NEK1: variants seen among roughly 807,000 people sequenced by gnomAD.
The protein encoded by NEK1 is serine/threonine-protein kinase Nek1.
NEK1 carries 137 observed loss-of-function variants against 182.1 expected under a neutral mutation model. The observed-to-expected ratio is 0.75, with a 90% CI of 0.65 to 0.87. NEK1 has a LOEUF of 0.87. NEK1 is among the 40% of genes least tolerant of loss of function. The pLI, the probability that NEK1 is intolerant of heterozygous loss-of-function variation, is 0.00. For missense variants in NEK1, 1,391 were observed against 1,494.4 expected, an observed-to-expected ratio of 0.93 and a Z score of 1.14; for synonymous variants, 513 against 492.2, an observed-to-expected ratio of 1.04 and a Z score of -0.56.
At chr4:169,470,710 T>C (rs1745795732) in intron 26 of NEK1, among the ~76,000 whole-genome samples, 1 of 152,234 alleles carries the variant, frequency 6.6e-6, no homozygotes, top group Non-Finnish European at 1.5e-5. Flanking sequence ...CCTTCAAGTG[T>C]GTTTTCCAAC....
At chr4:169,447,115 T>C (rs1740719157) in intron 27 of NEK1, among the ~76,000 whole-genome samples, 1 of 152,070 alleles carries the variant, frequency 6.6e-6, no homozygotes, top group Non-Finnish European at 1.5e-5. Flanking sequence ...GCAGATGTAA[T>C]CCAAGGAAGA....
At position 169,590,737 on chromosome 4, in the gene NEK1, T is replaced by C. The variant is rs1365793589; in HGVS notation, c.385A>G (p.Ile129Val). 16 of 1,589,130 alleles carry C rather than the reference T, an allele frequency of 1.0e-5. No homozygotes were observed. The highest frequency in any genetic ancestry group is 1.4e-5 in the Non-Finnish European group (16 of 1,165,384). The change falls in exon 6 of 36, where the codon ATT becomes GTT. Residue 129 changes from isoleucine (I) to valine (V), a missense_variant. Physicochemically the swap from Ile to Val is conservative, Grantham distance 29. Coordinates refer to ENST00000507142, the MANE Select transcript of NEK1 (RefSeq NM_001199397.3). ...ACAGAATAACATACCTGAGATTTAA[T>C]GTCTCGATGAAGAATTTTTCTATCA... ...VHDRKILHRD[I>V]KSQNIFLTKD...
chr4:169,411,957 G>A lies in NEK1; in HGVS notation c.3223-5210C>T, dbSNP rs370152783. ...GGCTCCAGATAAGGAGGAGAAATGG[G>A]GCTCATGTACACAAACTTTCTTCAC... On this transcript the variant is annotated intron_variant, in intron 31 of 35. Transcript: ENST00000507142. Among the ~76,000 whole-genome samples, 18 of 152,100 alleles carry A rather than the reference G, an allele frequency of 1.2e-4. No homozygotes were observed. In the South Asian group the frequency reaches 3.8e-3, roughly 32 times the overall value.
At chr4:169,497,529 C>T (rs1751568703) in intron 23 of NEK1, among the ~76,000 whole-genome samples, 1 of 152,178 alleles carries the variant, frequency 6.6e-6, no homozygotes, top group South Asian at 2.1e-4. Context: ...CCTGCTTTCT[C>T]TTGTGGGCAC....
At chr4:169,504,858 A>G (rs1308405238) in intron 23 of NEK1, among the ~76,000 whole-genome samples, 1 of 152,202 alleles carries the variant, frequency 6.6e-6, no homozygotes, top group African/African-American at 2.4e-5. Context: ...ACCTTTAAAA[A>G]TAACTAAAAG....
intron 27 of NEK1, among the ~76,000 whole-genome samples, chr4:169,451,930 C>A (rs558864405): frequency 4.6e-5 from 7 of 152,026 alleles, no homozygotes; most frequent in South Asian, 4.2e-4. Context: ...AAATAGATGC[C>A]ATAAAAAATG....
intron 35 of NEK1, among the ~76,000 whole-genome samples, chr4:169,399,644 C>G (rs1407530891): frequency 6.6e-6 from 1 of 151,950 alleles, no homozygotes; most frequent in Non-Finnish European, 1.5e-5. Context: ...TTTTTTGAGA[C>G]AGGGTCTGGC....
At chr4:169,440,936 A>G (rs949149592) in intron 27 of NEK1, among the ~76,000 whole-genome samples, 2 of 152,202 alleles carry the variant, frequency 1.3e-5, no homozygotes, top group African/African-American at 4.8e-5. Context: ...TCCCTACCAG[A>G]TAACAACCTG....
chr4:169,423,390 A>G (rs947147126), intron 31 of NEK1, among the ~76,000 whole-genome samples: 2 of 152,234 alleles, frequency 1.3e-5, no homozygotes, highest in Non-Finnish European at 2.9e-5. Context: ...GGTATGAGCC[A>G]GCATGCCTGG....
chr4:169,604,804 T>A (rs1321303119), intron 2 of NEK1, among the ~76,000 whole-genome samples: 1 of 152,212 alleles, frequency 6.6e-6, no homozygotes, highest in African/African-American at 2.4e-5. Context: ...AGAGCCTTTC[T>A]CTACCTTAGA....
intron 29 of NEK1, 40 bp downstream of exon 29, chr4:169,433,505 G>A: frequency 6.4e-7 from 1 of 1,565,440 alleles, no homozygotes; most frequent in Admixed American, 1.9e-5. Flanking sequence ...TATTACAAAA[G>A]GGACCTGGGT....
chr4:169,508,664 CA>C (rs1203819728), intron 20 of NEK1, 104 bp downstream of exon 20: 2 of 907,298 alleles, frequency 2.2e-6, no homozygotes, highest in East Asian at 5.5e-5. Context: ...TACAGACCTA[CA>C]AAATCTTCAA....
At position 169,400,345 on chromosome 4, in the gene NEK1, C is replaced by T. The variant is rs542986015; in HGVS notation, c.3727G>A (p.Asp1243Asn). 5 of 1,521,424 alleles carry T rather than the reference C, an allele frequency of 3.3e-6. No individual in the cohort carries two copies. The highest frequency in any genetic ancestry group is 4.0e-5 in the Admixed American group (2 of 50,086). The allele number at this position is 1,521,424 out of a possible 1,614,324, so 94.2% of individuals were successfully genotyped here. The change falls in exon 35 of 36, where the codon GAT (aspartate) becomes AAT (asparagine). Residue 1243 changes from aspartate to asparagine, a missense_variant. Asp to Asn is a conservative substitution (Grantham distance 23, BLOSUM62 1). Coordinates refer to ENST00000507142, the MANE Select transcript of NEK1 (RefSeq NM_001199397.3). ...VYEKIKAIHE[D>N]EDENIEICSK... is the part of the protein sequence containing the mutation. ...CAAATTTCAATATTTTCATCTTCATCTTCATGAATAGCCTATACCAAATTC... is the reference window on the plus strand; with the variant it reads ...CAAATTTCAATATTTTCATCTTCATTTTCATGAATAGCCTATACCAAATTC...
intron 35 of NEK1, among the ~76,000 whole-genome samples, chr4:169,397,574 A>G (rs933895812): frequency 6.6e-6 from 1 of 152,000 alleles, no homozygotes; most frequent in African/African-American, 2.4e-5. Flanking sequence ...ATTGCTTTAC[A>G]TTTTTTCTAG....
intron 26 of NEK1, among the ~76,000 whole-genome samples, chr4:169,472,998 C>A (rs1395611959): frequency 1.3e-5 from 2 of 151,964 alleles, no homozygotes; most frequent in East Asian, 3.9e-4. Context: ...GTAGCTCACA[C>A]CTGTAATCCC....
In NEK1 at chr4:169,559,695, G is replaced by A. The variant is rs186529093; in HGVS notation, c.1266+1785C>T. 7.9e-5 allele frequency among the ~76,000 whole-genome samples: 12 copies of A among 152,282 alleles called. 1 individual carries two copies. The East Asian group carries it at 1.9e-3, about 24-fold the overall frequency. On this transcript the variant is annotated intron_variant, in intron 16 of 35. Transcript: ENST00000507142. ...TATCAAGATTAATGGGTGTACATGA[G>A]TGAAACTTATAGTTTGAAGATGTAT...
chr4:169,396,935 C>T (rs1730819823), intron 35 of NEK1, among the ~76,000 whole-genome samples: 1 of 152,116 alleles, frequency 6.6e-6, no homozygotes, highest in Non-Finnish European at 1.5e-5. Context: ...GGACAACTAT[C>T]TCTAAGACAG....
At chr4:169,610,415 GC>G (rs1772128832) in intron 2 of NEK1, among the ~76,000 whole-genome samples, 1 of 151,986 alleles carries the variant, frequency 6.6e-6, no homozygotes, top group Non-Finnish European at 1.5e-5. Flanking sequence ...CCGGGTTCAA[GC>G]AATTATCCTG....
At chr4:169,552,930 AAAG>A (rs1381346912) in intron 18 of NEK1, among the ~76,000 whole-genome samples, 3 of 152,196 alleles carry the variant, frequency 2.0e-5, no homozygotes, top group Admixed American at 1.3e-4. Flanking sequence ...GAAATACATC[AAAG>A]ATATATTTCA....
Sources: gnomAD v4.1 joint callset for allele counts (sites outside exome capture counted in the v4.1 genomes callset) on GRCh38, gnomAD v4.1.1 for gene constraint, MANE v1.5 for transcripts, NCBI Gene and HGNC (gene_info 2026-07-23, HGNC 2026-07-21) for gene names.